CRYZL1: variants seen among roughly 807,000 people sequenced by gnomAD.
CRYZL1 encodes ferry endosomal RAB5 effector complex subunit 4.
A neutral mutation model predicts 50.6 loss-of-function variants in CRYZL1; 34 were observed. The ratio of observed to expected loss-of-function variants is 0.67; its 90% CI spans 0.51 to 0.89. The LOEUF (loss-of-function observed/expected upper bound fraction) is 0.89. Among genes scored for constraint, CRYZL1 ranks in the 40% least tolerant of loss-of-function variants. CRYZL1 has a pLI of 0.00. For missense variants in CRYZL1, 354 were observed against 402.3 expected (o/e 0.88, Z 1.03); for synonymous variants, 125 against 134.3 (o/e 0.93, Z 0.48).
chr21:33,603,483 C>A lies in CRYZL1; in HGVS notation c.386G>T (p.Gly129Val), dbSNP rs200401225. The change falls in exon 7 of 13, where the codon GGA becomes GTA. Residue 129 changes from glycine to valine, a missense_variant. Transcript: ENST00000381554. ...WTEAAGSIRD[G>V]VRAYTALHYL... ...ATGCAGAGCTGTATAGGCACGCACT[C>A]CATCCCGAATGCTTCCTGCTGCTTC... 1 of 1,614,160 alleles carries A rather than the reference C, an allele frequency of 6.2e-7. No homozygotes were observed. The highest frequency in any genetic ancestry group is 8.5e-7 in the Non-Finnish European group (1 of 1,180,028).
chr21:33,596,362 G>C (rs2086692886), intron 10 of CRYZL1: 1 of 331,620 alleles, frequency 3.0e-6, no homozygotes, highest in East Asian at 9.4e-5. Flanking sequence ...ATTCATGCCA[G>C]CGTGGTGGCT....
intron 1 of CRYZL1, among the ~76,000 whole-genome samples, chr21:33,635,605 C>T (rs1269468999): frequency 1.3e-5 from 2 of 151,570 alleles, no homozygotes; most frequent in Non-Finnish European, 2.9e-5. Context: ...CCGCCTGCCT[C>T]GGCCTCCCAA....
At chr21:33,602,471 T>G in intron 7 of CRYZL1, 126 bp from the exon 8 acceptor site, 1 of 447,228 alleles carries the variant, frequency 2.2e-6, no homozygotes, top group South Asian at 5.1e-5. Flanking sequence ...TAAAATGTTA[T>G]CTAATAGGAA....
At chr21:33,592,324 A>C (rs1395872150) in intron 11 of CRYZL1, among the ~76,000 whole-genome samples, 1 of 151,772 alleles carries the variant, frequency 6.6e-6, no homozygotes, top group Admixed American at 6.6e-5. Context: ...TTTTGTATAG[A>C]CAGGGTCTCC....
intron 1 of CRYZL1, among the ~76,000 whole-genome samples, chr21:33,635,546 G>A (rs2087196196): frequency 6.6e-6 from 1 of 151,156 alleles, no homozygotes. Flanking sequence ...AGTACAGACG[G>A]GGTTTCACCG....
intron 2 of CRYZL1, among the ~76,000 whole-genome samples, chr21:33,626,015 G>A (rs138565158): frequency 2.6e-5 from 4 of 151,234 alleles, no homozygotes; most frequent in East Asian, 4.0e-4. Flanking sequence ...GTGCAGTGGC[G>A]CAATCTCAGC....
chr21:33,602,748 C>T (rs1268904485), intron 7 of CRYZL1, among the ~76,000 whole-genome samples: 1 of 152,190 alleles, frequency 6.6e-6, no homozygotes, highest in Non-Finnish European at 1.5e-5. Context: ...AAAGCTCCAT[C>T]CTGTTCAGAC....
chr21:33,639,098 T>C (rs1250581450), intron 1 of CRYZL1, among the ~76,000 whole-genome samples: 1 of 152,226 alleles, frequency 6.6e-6, no homozygotes, highest in Non-Finnish European at 1.5e-5. Flanking sequence ...ACAGTGGCTC[T>C]CAACAAAGAA....
chr21:33,611,319 G>C (rs2086871196), intron 6 of CRYZL1, among the ~76,000 whole-genome samples: 1 of 152,104 alleles, frequency 6.6e-6, no homozygotes, highest in Non-Finnish European at 1.5e-5. Context: ...CTCCTCACTA[G>C]GCTTCATGTA....
chr21:33,629,591 T>TACG (rs1270970345), intron 2 of CRYZL1, among the ~76,000 whole-genome samples: 1 of 152,180 alleles, frequency 6.6e-6, no homozygotes, highest in Non-Finnish European at 1.5e-5. Flanking sequence ...TCGTATCCTA[T>TACG]AACTTTACTG....
intron 4 of CRYZL1, among the ~76,000 whole-genome samples, chr21:33,619,552 AT>A (rs1003078937): frequency 9.2e-5 from 14 of 151,464 alleles, no homozygotes; most frequent in East Asian, 3.9e-4. Context: ...TCGAAGGATA[AT>A]TTTTTTTTCT....
rs1259052633 is a variant in CRYZL1, at chr21:33,603,435, C to G, written c.434G>C (p.Gly145Ala). 1.2e-6 allele frequency: 2 copies of G among 1,613,984 alleles called. No homozygotes were observed. Among genetic ancestry groups the G allele is most frequent in the African/African-American group, 2.7e-5 (2 of 74,928 alleles). Residue 145 changes from glycine (G) to alanine (A), a missense_variant, in exon 7 of 13, where the codon GGA (glycine) becomes GCA (alanine). Gly to Ala is a moderately conservative substitution (Grantham distance 60, BLOSUM62 0). Coordinates refer to ENST00000381554, the MANE Select transcript of CRYZL1 (RefSeq NM_145858.3). Reference protein sequence around the residue: ...ALHYLSHLSPGKSVLIMDGAS... With the variant: ...ALHYLSHLSPAKSVLIMDGAS... ...TCCATCCATTATCAGCACTGATTTTCCAGGAGAGAGATGAGAAAGATAATG... is the reference window on the plus strand; with the variant it reads ...TCCATCCATTATCAGCACTGATTTTGCAGGAGAGAGATGAGAAAGATAATG...
At chr21:33,635,450 A>C (rs904928458) in intron 1 of CRYZL1, among the ~76,000 whole-genome samples, 2 of 144,188 alleles carry the variant, frequency 1.4e-5, no homozygotes, top group African/African-American at 2.6e-5. Context: ...TCCTGGGTTC[A>C]CGCCATTCTC....
intron 8 of CRYZL1, among the ~76,000 whole-genome samples, chr21:33,600,043 A>G (rs1046138996): frequency 6.6e-6 from 1 of 152,146 alleles, no homozygotes; most frequent in African/African-American, 2.4e-5. Flanking sequence ...ATCCCAATAT[A>G]CCCACCGTAA....
At chr21:33,607,797 T>C (rs538823444) in intron 6 of CRYZL1, among the ~76,000 whole-genome samples, 1 of 152,282 alleles carries the variant, frequency 6.6e-6, no homozygotes, top group East Asian at 1.9e-4. Flanking sequence ...ATTATTCCCT[T>C]TTACAAAAGG....
intron 3 of CRYZL1, among the ~76,000 whole-genome samples, chr21:33,624,074 C>T (rs918376671): frequency 1.3e-5 from 2 of 151,844 alleles, no homozygotes; most frequent in African/African-American, 4.8e-5. Context: ...ATTATAAACT[C>T]TTAGTTTTTT....
At chr21:33,632,878 C>T (rs1414732747) in intron 1 of CRYZL1, among the ~76,000 whole-genome samples, 1 of 152,182 alleles carries the variant, frequency 6.6e-6, no homozygotes, top group Non-Finnish European at 1.5e-5. Flanking sequence ...CATCATCATA[C>T]ACCTCCAGAA....
At chr21:33,627,347 C>T (rs2087079051) in intron 2 of CRYZL1, among the ~76,000 whole-genome samples, 1 of 152,158 alleles carries the variant, frequency 6.6e-6, no homozygotes, top group African/African-American at 2.4e-5. Context: ...GATCCTCCTG[C>T]CTCAGCCTCC....
chr21:33,623,921 G>A (rs539831176), intron 3 of CRYZL1, among the ~76,000 whole-genome samples: 2 of 152,052 alleles, frequency 1.3e-5, no homozygotes, highest in East Asian at 1.9e-4. Context: ...GTTTATGAGA[G>A]AGCGACACAA....
Sources: allele counts gnomAD v4.1 joint callset (sites outside exome capture counted in the v4.1 genomes callset), GRCh38; gene constraint gnomAD v4.1.1; transcripts MANE v1.5; gene names NCBI Gene and HGNC (gene_info 2026-07-23, HGNC 2026-07-21).